IPO9: variants seen among roughly 807,000 people sequenced by gnomAD.
IPO9 encodes importin-9.
In IPO9, 28 loss-of-function variants were observed where a neutral mutation model predicts 128.6. That is an observed-to-expected ratio of 0.22 (90% CI 0.16 to 0.30). IPO9 has a LOEUF of 0.30. IPO9 is among the 10% of genes least tolerant of loss of function. The probability of loss-of-function intolerance (pLI) is 1.00; values close to 1 mark genes in which losing one functional copy is unlikely to be tolerated. For synonymous variants in IPO9, 455 were observed against 475.8 expected, an observed-to-expected ratio of 0.96 and a Z score of 0.57; for missense variants, 935 against 1,293.9, an observed-to-expected ratio of 0.72 and a Z score of 4.26.
chr1:201,868,932 G>C (rs1017387085), intron 16 of IPO9, 136 bp downstream of exon 16: 1 of 1,286,786 alleles, frequency 7.8e-7, no homozygotes, highest in African/African-American at 1.5e-5. Flanking sequence ...TGCCTGCAAG[G>C]ACAGTGGGTG....
intron 1 of IPO9, among the ~76,000 whole-genome samples, chr1:201,839,233 T>C (rs576255536): frequency 1.7e-4 from 26 of 151,448 alleles, no homozygotes; most frequent in Non-Finnish European, 3.5e-4. Context: ...AGGAAACTTT[T>C]TGAGACAAGA....
chr1:201,861,308 T>C (rs537379617), intron 13 of IPO9, among the ~76,000 whole-genome samples: 21 of 152,374 alleles, frequency 1.4e-4, no homozygotes, highest in South Asian at 4.1e-4. Flanking sequence ...GTTGGACTTA[T>C]GATTTTTCAT....
chr1:201,838,555 A>G (rs1343866658), intron 1 of IPO9, among the ~76,000 whole-genome samples: 3 of 152,198 alleles, frequency 2.0e-5, no homozygotes, highest in Non-Finnish European at 4.4e-5. Flanking sequence ...AATGGATTGC[A>G]GTATCTGTAG....
At chr1:201,849,658 A>G (rs1680183109) in intron 4 of IPO9, among the ~76,000 whole-genome samples, 1 of 152,120 alleles carries the variant, frequency 6.6e-6, no homozygotes, top group Non-Finnish European at 1.5e-5. Flanking sequence ...GATAATATCA[A>G]CTCTTTGTCA....
rs573006623 is a variant in IPO9 at position 201,877,456 on chromosome 1, T to A, written c.*1402T>A. On this transcript the variant is annotated 3_prime_UTR_variant, in exon 24 of 24. Coordinates refer to ENST00000361565, the MANE Select transcript of IPO9 (RefSeq NM_018085.5). ...AAGCAGAGGTTGCAGTGAACCGATA[T>A]CACACCGTTGCATTCCAAGGCAAGA... 1.3e-5 allele frequency: 2 copies of A among 151,690 alleles called. No individual in the cohort carries two copies. Among genetic ancestry groups the A allele is most frequent in the Non-Finnish European group, 2.9e-5 (2 of 67,996 alleles). 9.4% of individuals were successfully genotyped at this position (151,690 alleles called of 1,614,324 possible). A position where few individuals can be genotyped will look rare whatever the true frequency, so the allele number is the denominator to read the frequency against.
rs557984667 is a variant in IPO9 at position 201,870,561 on chromosome 1, C to T, written c.2134-22C>T. On this transcript the variant is annotated intron_variant, in intron 17 of 23. Transcript: ENST00000361565. This position sits in a 1 kb window ranked among gnomAD's most constrained non-coding sequence, Gnocchi z 4.9. ...ATCTGTCCCTCGATTACTAATCTTG[C>T]TTGCCACCCCTGTCTCCCCAGAATG... 1.7e-5 allele frequency: 28 copies of T among 1,602,740 alleles called. No individual in the cohort carries two copies. In the East Asian group the frequency reaches 5.8e-4, roughly 33 times the overall value.
At chr1:201,837,244 G>A (rs1261272397) in intron 1 of IPO9, among the ~76,000 whole-genome samples, 1 of 152,182 alleles carries the variant, frequency 6.6e-6, no homozygotes, top group Non-Finnish European at 1.5e-5. Context: ...CTGTATTAGA[G>A]TGAAGAGCTT....
At position 201,876,140 on chromosome 1, in the gene IPO9, C is replaced by A; in HGVS notation, c.*86C>A. Reference sequence around the variant, plus strand: ...CACTGGCCTTGAGATGCACTTTCTTCTCAACCTAAAGTGGCATCTTGACCC... The same window carrying A: ...CACTGGCCTTGAGATGCACTTTCTTATCAACCTAAAGTGGCATCTTGACCC... On this transcript the variant is annotated 3_prime_UTR_variant, in exon 24 of 24. Coordinates refer to ENST00000361565, the MANE Select transcript of IPO9 (RefSeq NM_018085.5). The A allele has an allele frequency of 1.1e-6, 1 of 924,124 alleles. No individual in the cohort carries two copies. The highest frequency in any genetic ancestry group is 1.8e-6 in the Non-Finnish European group (1 of 549,652). 57.2% of individuals were successfully genotyped at this position (924,124 alleles called of 1,614,324 possible).
rs2102892791 is a variant in IPO9, at chr1:201,876,418, A to C, written c.*364A>C. ...TTTGCCCCGCCTCAGGAGCGCAGGA[A>C]GTCACTACCATTTATATTCTAAAAC... is the stretch of plus-strand genomic sequence containing the variant. On this transcript the variant is annotated 3_prime_UTR_variant, in exon 24 of 24. Coordinates refer to ENST00000361565, the MANE Select transcript of IPO9 (RefSeq NM_018085.5). 2.6e-6 allele frequency: 1 copy of C among 378,152 alleles called. No homozygotes were observed. The highest frequency in any genetic ancestry group is 5.1e-6 in the Non-Finnish European group (1 of 195,324). 23.4% of individuals were successfully genotyped at this position (378,152 alleles called of 1,614,324 possible). A position where few individuals can be genotyped will look rare whatever the true frequency, so the allele number is the denominator to read the frequency against.
At chr1:201,864,628 G>A (rs1162288097) in intron 14 of IPO9, among the ~76,000 whole-genome samples, 1 of 152,220 alleles carries the variant, frequency 6.6e-6, no homozygotes, top group Non-Finnish European at 1.5e-5. Context: ...TGCAAGCTGT[G>A]AGAGGAGTTT....
At chr1:201,874,750 C>T in intron 21 of IPO9, 82 bp from the exon 22 acceptor site, 1 of 963,854 alleles carries the variant, frequency 1.0e-6, no homozygotes. Context: ...CTTTGGGGCC[C>T]TTCTATTCTG....
chr1:201,858,378 T>A (rs751412720), intron 11 of IPO9, 69 bp from the exon 12 acceptor site: 19 of 798,448 alleles, frequency 2.4e-5, no homozygotes, highest in Admixed American at 1.0e-4. Flanking sequence ...CAGTCATGAC[T>A]GAAGCGGTTT....
chr1:201,833,261 CAG>C (rs1305262180), intron 1 of IPO9, among the ~76,000 whole-genome samples: 1 of 149,982 alleles, frequency 6.7e-6, no homozygotes, highest in Non-Finnish European at 1.5e-5. Context: ...TTTTTTGAGA[CAG>C]AGTCTCGCTC....
chr1:201,839,704 A>G (rs1419464874), intron 1 of IPO9, among the ~76,000 whole-genome samples: 16 of 152,154 alleles, frequency 1.1e-4, no homozygotes, highest in Non-Finnish European at 2.4e-4. Context: ...TACAAGTACT[A>G]GAGGAAAACA....
At position 201,883,063 on chromosome 1, in the gene IPO9, A is replaced by T. The variant is rs1200331117; in HGVS notation, c.*7009A>T. 1 of 152,540 alleles carries T rather than the reference A, an allele frequency of 6.6e-6. No homozygotes were observed. Among genetic ancestry groups the T allele is most frequent in the Non-Finnish European group, 1.5e-5 (1 of 68,052 alleles). 9.4% of individuals were successfully genotyped at this position (152,540 alleles called of 1,614,324 possible). A position where few individuals can be genotyped will look rare whatever the true frequency, so the allele number is the denominator to read the frequency against. ...ACTGCAGCCCTGCCTGAGGAACATGATAGAAACAGGTGGTAGGCCCAGCTC... is the reference window on the plus strand; with the variant it reads ...ACTGCAGCCCTGCCTGAGGAACATGTTAGAAACAGGTGGTAGGCCCAGCTC... On this transcript the variant is annotated 3_prime_UTR_variant, in exon 24 of 24. Coordinates refer to ENST00000361565, the MANE Select transcript of IPO9 (RefSeq NM_018085.5).
chr1:201,844,626 A>G (rs926845985), intron 1 of IPO9, among the ~76,000 whole-genome samples: 3 of 152,364 alleles, frequency 2.0e-5, no homozygotes, highest in African/African-American at 7.2e-5. Context: ...GATGAATGAT[A>G]TCCATGAACT....
In IPO9 at chr1:201,870,547, G is replaced by A. The variant is rs759034201; in HGVS notation, c.2134-36G>A. 34 of 1,596,686 alleles carry A rather than the reference G, an allele frequency of 2.1e-5. No individual in the cohort carries two copies. The highest frequency in any genetic ancestry group is 1.2e-4 in the Admixed American group (7 of 59,004). On this transcript the variant is annotated intron_variant, in intron 17 of 23. Coordinates refer to ENST00000361565, the MANE Select transcript of IPO9 (RefSeq NM_018085.5). The surrounding 1 kb of genome is among the most constrained non-coding windows in gnomAD (Gnocchi z 4.9). The stretch of plus-strand genomic sequence containing the variant: ...GAGGGCCTTCTGGCATCTGTCCCTC[G>A]ATTACTAATCTTGCTTGCCACCCCT...
intron 11 of IPO9, 67 bp downstream of exon 11, chr1:201,857,261 T>C: frequency 9.3e-7 from 1 of 1,069,928 alleles, no homozygotes; most frequent in Non-Finnish European, 1.5e-6. Flanking sequence ...TTCTTTTTTG[T>C]AGACAACTAA....
chr1:201,841,083 G>A (rs1188585555), intron 1 of IPO9, among the ~76,000 whole-genome samples: 3 of 152,010 alleles, frequency 2.0e-5, no homozygotes, highest in South Asian at 2.1e-4. Flanking sequence ...TCAAACAATA[G>A]GGAGGCACTA....
Sources: gnomAD v4.1 joint callset for allele counts (sites outside exome capture counted in the v4.1 genomes callset) on GRCh38, gnomAD v4.1.1 for gene constraint, Gnocchi (gnomAD v3.1) non-coding constraint, MANE v1.5 for transcripts, NCBI Gene and HGNC (gene_info 2026-07-23, HGNC 2026-07-21) for gene names.